CDKAL1: variants seen among roughly 807,000 people sequenced by gnomAD.
The protein encoded by CDKAL1 is threonylcarbamoyladenosine tRNA methylthiotransferase.
In CDKAL1, 32 loss-of-function variants were observed where a neutral mutation model predicts 68.2. That is an observed-to-expected ratio of 0.47 (90% confidence interval 0.35 to 0.63). The LOEUF is 0.63. CDKAL1 is among the 30% of genes least tolerant of loss of function. The pLI is 0.00. For synonymous variants in CDKAL1, 234 were observed against 244.3 expected, an observed-to-expected ratio of 0.96 and a Z score of 0.39; for missense variants, 606 against 696.7, an observed-to-expected ratio of 0.87 and a Z score of 1.47.
intron 8 of CDKAL1, among the ~76,000 whole-genome samples, chr6:20,792,741 C>T (rs144045771): frequency 8.6e-4 from 131 of 152,272 alleles, no homozygotes; most frequent in African/African-American, 3.1e-3. Flanking sequence ...CACTCATTTA[C>T]TCAACAGAAA....
chr6:20,816,697 G>GA (rs59348412), intron 8 of CDKAL1, among the ~76,000 whole-genome samples: 10 of 149,560 alleles, frequency 6.7e-5, no homozygotes, highest in East Asian at 3.9e-4. Flanking sequence ...AGAAAACTAA[G>GA]AAAAAAAAAA....
In CDKAL1 at chr6:21,011,167, AGGG is replaced by A. The variant is rs1416517581; in HGVS notation, c.1055+10797_1055+10799del. 4.6e-5 allele frequency among the ~76,000 whole-genome samples: 7 copies of A among 151,072 alleles called. No individual in the cohort carries two copies. The South Asian group carries it at 1.5e-3, about 32-fold the overall frequency. ...GCCAAGGCGGGTGGATCACAAGGTC[AGGG>A]GATTGAGAGCATCCTGGCTAACATG... On this transcript the variant is annotated intron_variant, in intron 11 of 15. Transcript: ENST00000274695.
At chr6:20,671,064 G>GA (rs1363348975) in intron 5 of CDKAL1, among the ~76,000 whole-genome samples, 1 of 152,168 alleles carries the variant, frequency 6.6e-6, no homozygotes, top group African/African-American at 2.4e-5. Flanking sequence ...CTGCTGGATT[G>GA]AAAGGTAGGT....
intron 7 of CDKAL1, among the ~76,000 whole-genome samples, chr6:20,775,586 C>T (rs1308931070): frequency 6.6e-6 from 1 of 152,200 alleles, no homozygotes; most frequent in East Asian, 1.9e-4. Flanking sequence ...TTTCACATCT[C>T]AACTCCTTCA....
intron 9 of CDKAL1, among the ~76,000 whole-genome samples, chr6:20,859,705 A>G (rs983581008): frequency 3.9e-5 from 6 of 152,242 alleles, no homozygotes; most frequent in Admixed American, 1.3e-4. Context: ...GTGGCTTCTT[A>G]GAAGAGAAAG....
At chr6:20,709,944 C>G (rs1771772558) in intron 5 of CDKAL1, among the ~76,000 whole-genome samples, 1 of 152,136 alleles carries the variant, frequency 6.6e-6, no homozygotes, top group East Asian at 1.9e-4. Flanking sequence ...TTGGCAAAGG[C>G]AATGGAGTTA....
At chr6:20,876,745 C>T (rs1760539029) in intron 9 of CDKAL1, among the ~76,000 whole-genome samples, 1 of 152,110 alleles carries the variant, frequency 6.6e-6, no homozygotes. Context: ...TGTTTTCTTT[C>T]CTCACATTGG....
chr6:21,120,213 G>A (rs1294217133), intron 13 of CDKAL1, among the ~76,000 whole-genome samples: 18 of 152,324 alleles, frequency 1.2e-4, no homozygotes, highest in East Asian at 7.7e-4. Context: ...CAGGGGCCCC[G>A]TCTCCCCGAA....
intron 9 of CDKAL1, among the ~76,000 whole-genome samples, chr6:20,847,782 G>A (rs752912359): frequency 1.3e-5 from 2 of 152,186 alleles, no homozygotes; most frequent in East Asian, 1.9e-4. Flanking sequence ...CTGGTGGATG[G>A]TGTCCAGGTT....
At chr6:20,862,650 TG>T (rs1250171037) in intron 9 of CDKAL1, among the ~76,000 whole-genome samples, 7 of 150,286 alleles carry the variant, frequency 4.7e-5, no homozygotes, top group Middle Eastern at 3.2e-3. Context: ...TGTGTGTGTG[TG>T]TGTGTGTGTG....
At chr6:20,680,309 T>C (rs1156670450) in intron 5 of CDKAL1, among the ~76,000 whole-genome samples, 1 of 152,172 alleles carries the variant, frequency 6.6e-6, no homozygotes, top group Non-Finnish European at 1.5e-5. Flanking sequence ...TCAAGTGATC[T>C]GCATGCTTCA....
At chr6:20,614,227 C>T (rs181370562) in intron 4 of CDKAL1, among the ~76,000 whole-genome samples, 39 of 152,068 alleles carry the variant, frequency 2.6e-4, no homozygotes, top group Admixed American at 6.6e-5. Flanking sequence ...TTTATGGTTG[C>T]TCTTGCCATG....
chr6:20,776,858 C>G (rs372337629), intron 7 of CDKAL1, among the ~76,000 whole-genome samples: 1 of 152,172 alleles, frequency 6.6e-6, no homozygotes, highest in Non-Finnish European at 1.5e-5. Flanking sequence ...TTTCCCTCCT[C>G]TATTCGGTGA....
At chr6:21,213,344 G>A (rs1189676912) in intron 15 of CDKAL1, among the ~76,000 whole-genome samples, 3 of 152,162 alleles carry the variant, frequency 2.0e-5, no homozygotes, top group Non-Finnish European at 4.4e-5. Context: ...TGATAGTGAA[G>A]ATTTACTTGG....
chr6:20,541,717 A>G (rs539103960), intron 2 of CDKAL1, among the ~76,000 whole-genome samples: 2 of 152,072 alleles, frequency 1.3e-5, no homozygotes, highest in African/African-American at 4.8e-5. Flanking sequence ...CTGGAGTGCA[A>G]TGGCGCGATC....
chr6:21,167,472 C>T (rs1221129273), intron 13 of CDKAL1, among the ~76,000 whole-genome samples: 2 of 152,258 alleles, frequency 1.3e-5, no homozygotes, highest in East Asian at 3.9e-4. Context: ...AAACCCTATC[C>T]AACAATAGCC....
chr6:20,640,337 A>G (rs576130668), intron 4 of CDKAL1, among the ~76,000 whole-genome samples: 22 of 152,348 alleles, frequency 1.4e-4, no homozygotes, highest in Admixed American at 1.3e-3. Context: ...TGATTTTCAA[A>G]TGGAACTGTT....
At chr6:21,149,529 T>A (rs553514834) in intron 13 of CDKAL1, among the ~76,000 whole-genome samples, 1 of 152,354 alleles carries the variant, frequency 6.6e-6, no homozygotes, top group Non-Finnish European at 1.5e-5. Context: ...CTGGTTGCAA[T>A]GATTTGTAGG....
intron 13 of CDKAL1, among the ~76,000 whole-genome samples, chr6:21,152,421 T>C (rs1776452554): frequency 6.6e-6 from 1 of 152,214 alleles, no homozygotes; most frequent in Non-Finnish European, 1.5e-5. Flanking sequence ...GTAATAAGGG[T>C]ATACTCTTGA....
Sources: gnomAD v4.1 joint callset for allele counts (sites outside exome capture counted in the v4.1 genomes callset) on GRCh38, gnomAD v4.1.1 for gene constraint, MANE v1.5 for transcripts, NCBI Gene and HGNC (gene_info 2026-07-23, HGNC 2026-07-21) for gene names.